Variants in SCO1 observed in about 807,000 individuals in gnomAD.
SCO1 encodes cytochrome c oxidase assembly factor SCO1.
In SCO1, 23 loss-of-function variants were observed where a neutral mutation model predicts 34.0. That is an observed-to-expected ratio of 0.68 (90% CI 0.49 to 0.96). The LOEUF is 0.96. Ranked by LOEUF, SCO1 falls within the 40% of genes least tolerant of loss-of-function variation. SCO1 has a pLI of 0.00. For synonymous variants in SCO1, 161 were observed against 145.5 expected, an observed-to-expected ratio of 1.11 and a Z score of -0.77; for missense variants, 404 against 381.6, an observed-to-expected ratio of 1.06 and a Z score of -0.49.
rs1280160968 is a variant in SCO1 at position 10,675,882 on chromosome 17, T to C, written c.*5237A>G. Reference sequence around the variant, plus strand: ...CCCTAGGGTTGTGTCTTCCTTGAACTGGGTGCAAACATGGACAAAGTCACA... The same window carrying C: ...CCCTAGGGTTGTGTCTTCCTTGAACCGGGTGCAAACATGGACAAAGTCACA... On this transcript the variant is annotated 3_prime_UTR_variant, in exon 6 of 6. Transcript: ENST00000255390. The C allele has an allele frequency of 6.6e-6, 1 of 152,116 alleles. No individual in the cohort carries two copies. The highest frequency in any genetic ancestry group is 2.4e-5 in the African/African-American group (1 of 41,416). The allele number at this position is 152,116 out of a possible 1,614,324, so 9.4% of individuals were successfully genotyped here. A position where few individuals can be genotyped will look rare whatever the true frequency, so the allele number is the denominator to read the frequency against.
chr17:10,683,493 C>G (rs2074634871), intron 5 of SCO1, among the ~76,000 whole-genome samples: 2 of 152,098 alleles, frequency 1.3e-5, no homozygotes, highest in African/African-American at 4.8e-5. Flanking sequence ...GAGTTTAATT[C>G]CTATCAACAA....
rs1020065319 is a variant in SCO1 at position 10,677,623 on chromosome 17, T to C, written c.*3496A>G. ...GCATATTTTACTGGTAGTCAGTAAA[T>C]CTCACCTCTTACACTTAAGATATCA... On this transcript the variant is annotated 3_prime_UTR_variant, in exon 6 of 6. Coordinates refer to ENST00000255390, the MANE Select transcript of SCO1 (RefSeq NM_004589.4). 3.3e-5 allele frequency: 5 copies of C among 152,178 alleles called. No individual in the cohort carries two copies. The highest frequency in any genetic ancestry group is 1.2e-4 in the African/African-American group (5 of 41,420). The allele number at this position is 152,178 out of a possible 1,614,324, so 9.4% of individuals were successfully genotyped here. A position where few individuals can be genotyped will look rare whatever the true frequency, so the allele number is the denominator to read the frequency against.
At chr17:10,691,507 T>C (rs560330557) in intron 4 of SCO1, among the ~76,000 whole-genome samples, 2 of 152,358 alleles carry the variant, frequency 1.3e-5, no homozygotes, top group East Asian at 3.9e-4. Flanking sequence ...CCAATGAACA[T>C]ACTTCCAGAA....
At chr17:10,686,599 A>C in intron 5 of SCO1, 128 bp downstream of exon 5, 1 of 706,322 alleles carries the variant, frequency 1.4e-6, no homozygotes, top group South Asian at 1.6e-5. Context: ...AAAAAAAAAA[A>C]ATTCCTAAGG....
In SCO1 at chr17:10,681,063, G is replaced by C; in HGVS notation, c.*56C>G. 1 of 1,603,760 alleles carries C rather than the reference G, an allele frequency of 6.2e-7. No individual in the cohort carries two copies. The highest frequency in any genetic ancestry group is 8.5e-7 in the Non-Finnish European group (1 of 1,170,658). ...TTTATATTTATATAGGCTCCTATGC[G>C]AGACAGTTTCCTTCCTCTTAGCAAG... On this transcript the variant is annotated 3_prime_UTR_variant, in exon 6 of 6. Transcript: ENST00000255390.
In SCO1 at chr17:10,673,799, A is replaced by T. The variant is rs757013959; in HGVS notation, c.*7320T>A. 1 of 152,074 alleles carries T rather than the reference A, an allele frequency of 6.6e-6. No homozygotes were observed. Among genetic ancestry groups the T allele is most frequent in the Non-Finnish European group, 1.5e-5 (1 of 68,030 alleles). 9.4% of individuals were successfully genotyped at this position (152,074 alleles called of 1,614,324 possible). A position where few individuals can be genotyped will look rare whatever the true frequency, so the allele number is the denominator to read the frequency against. On this transcript the variant is annotated 3_prime_UTR_variant, in exon 6 of 6. Transcript: ENST00000255390. ...CCTGCTTTTTGATCATATTATAACA[A>T]CTCGATGGAGAAACGCTTGGTATAC...
chr17:10,690,573 C>G (rs2074683606), intron 4 of SCO1, among the ~76,000 whole-genome samples: 1 of 152,184 alleles, frequency 6.6e-6, no homozygotes, highest in Non-Finnish European at 1.5e-5. Flanking sequence ...AGATACCTCA[C>G]ACACACCATT....
At chr17:10,691,024 G>C (rs1255663386) in intron 4 of SCO1, among the ~76,000 whole-genome samples, 1 of 152,206 alleles carries the variant, frequency 6.6e-6, no homozygotes, top group African/African-American at 2.4e-5. Context: ...GTGGATACTA[G>C]AGGCTGGAAA....
intron 1 of SCO1, 54 bp downstream of exon 1, chr17:10,697,181 T>C: frequency 6.9e-7 from 1 of 1,455,440 alleles, no homozygotes; most frequent in Non-Finnish European, 9.1e-7. Context: ...ATGTGGCCGC[T>C]GGGCTGGCCG....
At chr17:10,690,213 A>T (rs565331109) in intron 4 of SCO1, among the ~76,000 whole-genome samples, 22 of 152,326 alleles carry the variant, frequency 1.4e-4, no homozygotes, top group Non-Finnish European at 2.6e-4. Flanking sequence ...ATCAAAATAA[A>T]AAGCTTCTGC....
chr17:10,692,524 G>C (rs983642736), intron 3 of SCO1, among the ~76,000 whole-genome samples: 1 of 152,186 alleles, frequency 6.6e-6, no homozygotes, highest in Non-Finnish European at 1.5e-5. Context: ...CACAAAAGTA[G>C]AGTTAAGGGA....
At position 10,694,155 on chromosome 17, in the gene SCO1, A is replaced by G. The variant is rs143462392; in HGVS notation, c.365-1194T>C. ...CATCACTTTTGTGATATTCCTGCCAAAGGTACACAACCCGAATGACCTGAA... is the reference window on the plus strand; with the variant it reads ...CATCACTTTTGTGATATTCCTGCCAGAGGTACACAACCCGAATGACCTGAA... On this transcript the variant is annotated intron_variant, in intron 2 of 5. Coordinates refer to ENST00000255390, the MANE Select transcript of SCO1 (RefSeq NM_004589.4). 2.6e-5 allele frequency among the ~76,000 whole-genome samples: 4 copies of G among 152,344 alleles called. No homozygotes were observed. In the East Asian group the frequency reaches 7.7e-4, roughly 29 times the overall value.
In SCO1 at chr17:10,679,683, T is replaced by A. The variant is rs545287108; in HGVS notation, c.*1436A>T. On this transcript the variant is annotated 3_prime_UTR_variant, in exon 6 of 6. Coordinates refer to ENST00000255390, the MANE Select transcript of SCO1 (RefSeq NM_004589.4). ...TTAAATTTAGAAACAAAAGCCAAGA[T>A]TCATTCTATCACTCAATAATCATTT... 3 of 152,130 alleles carry A rather than the reference T, an allele frequency of 2.0e-5. No individual in the cohort carries two copies. Among genetic ancestry groups the A allele is most frequent in the Non-Finnish European group, 2.9e-5 (2 of 68,018 alleles). 9.4% of individuals were successfully genotyped at this position (152,130 alleles called of 1,614,324 possible). A position where few individuals can be genotyped will look rare whatever the true frequency, so the allele number is the denominator to read the frequency against.
intron 5 of SCO1, among the ~76,000 whole-genome samples, chr17:10,684,457 G>A (rs1047343984): frequency 6.6e-6 from 1 of 152,224 alleles, no homozygotes; most frequent in Non-Finnish European, 1.5e-5. Flanking sequence ...AGTTGGGTAT[G>A]TGATAGCAGT....
At chr17:10,689,341 C>T (rs1399506354) in intron 4 of SCO1, among the ~76,000 whole-genome samples, 1 of 152,104 alleles carries the variant, frequency 6.6e-6, no homozygotes. Context: ...AAAGTAATTA[C>T]ACATACAGCA....
chr17:10,689,369 A>T (rs978803736), intron 4 of SCO1, among the ~76,000 whole-genome samples: 5 of 152,278 alleles, frequency 3.3e-5, no homozygotes, highest in South Asian at 2.1e-4. Flanking sequence ...CATAAAACAT[A>T]TTTTTAAATA....
chr17:10,692,782 G>C lies in SCO1; in HGVS notation c.544C>G (p.Gln182Glu). 1.9e-6 allele frequency: 3 copies of C among 1,614,006 alleles called. No homozygotes were observed. The highest frequency in any genetic ancestry group is 1.1e-5 in the South Asian group (1 of 91,068). ...TTCTTACCTATTTCATCCACGACTT[G>C]AATCATCTTTTCTAGTTCTTCTGGA... ...VCPEELEKMIQVVDEIDSITT... is the reference protein window; with the variant it reads ...VCPEELEKMIEVVDEIDSITT... The change falls in exon 3 of 6, where the codon CAA becomes GAA. Residue 182 changes from glutamine to glutamate, a missense_variant. Gln to Glu is a conservative substitution (Grantham distance 29). Coordinates refer to ENST00000255390, the MANE Select transcript of SCO1 (RefSeq NM_004589.4).
Position 10,681,135 on chromosome 17 carries a change from T to G in SCO1, c.890A>C (p.Tyr297Ser). The change falls in exon 6 of 6, where the codon TAC (tyrosine) becomes TCC (serine). Residue 297 changes from tyrosine to serine, a missense_variant. Transcript: ENST00000255390. ...AASIATHMRPYRKKS is the reference protein window; with the variant it reads ...AASIATHMRPSRKKS ...CTGCTTTGGCTAGCTCTTTTTTCTG[T>G]ATGGCCTCATGTGTGTGGCAATTGA... 6.2e-7 allele frequency: 1 copy of G among 1,614,222 alleles called. No individual in the cohort carries two copies. Among genetic ancestry groups the G allele is most frequent in the African/African-American group, 1.3e-5 (1 of 75,054 alleles).
In SCO1 at chr17:10,691,982, T is replaced by A. The variant is rs781458024; in HGVS notation, c.563-18A>T. 1 of 1,535,736 alleles carries A rather than the reference T, an allele frequency of 6.5e-7. No individual in the cohort carries two copies. The highest frequency in any genetic ancestry group is 1.7e-5 in the Admixed American group (1 of 59,912). On this transcript the variant is annotated intron_variant, in intron 3 of 5. Coordinates refer to ENST00000255390, the MANE Select transcript of SCO1 (RefSeq NM_004589.4). ...AATGCTATCTGAAAGAGAGTTCCAA[T>A]TAGTCCGTATTCACACCCTAAGGGA...
Sources: allele counts gnomAD v4.1 joint callset (sites outside exome capture counted in the v4.1 genomes callset), GRCh38; gene constraint gnomAD v4.1.1; transcripts MANE v1.5; gene names NCBI Gene and HGNC (gene_info 2026-07-23, HGNC 2026-07-21).